NR6A1: variants seen among roughly 807,000 people sequenced by gnomAD.
NR6A1 encodes retinoic acid receptor-related testis-associated receptor.
Under a neutral mutation model 59.1 loss-of-function variants are expected in NR6A1, and 7 were observed. That is an observed-to-expected ratio of 0.12 (90% CI 0.07 to 0.22). NR6A1 has a LOEUF of 0.22. Among genes scored for constraint, NR6A1 ranks in the 10% least tolerant of loss-of-function variants. The probability of loss-of-function intolerance (pLI) is 1.00; values close to 1 mark genes in which losing one functional copy is unlikely to be tolerated. For missense variants in NR6A1, 468 were observed against 611.6 expected, an observed-to-expected ratio of 0.77 and a Z score of 2.48; for synonymous variants, 243 against 236.1, an observed-to-expected ratio of 1.03 and a Z score of -0.27.
At chr9:124,664,690 T>C (rs1837551813) in intron 2 of NR6A1, among the ~76,000 whole-genome samples, 1 of 152,210 alleles carries the variant, frequency 6.6e-6, no homozygotes, top group African/African-American at 2.4e-5. Context: ...CCTCAGCAGA[T>C]GGTACTGGGT....
At chr9:124,755,350 G>GTTGGC (rs1393244276) in intron 1 of NR6A1, among the ~76,000 whole-genome samples, 1 of 152,124 alleles carries the variant, frequency 6.6e-6, no homozygotes, top group East Asian at 1.9e-4. Context: ...CGTTCATTAT[G>GTTGGC]TTGGCTTCAT....
chr9:124,668,388 A>T (rs1407599851), intron 2 of NR6A1, among the ~76,000 whole-genome samples: 1 of 150,718 alleles, frequency 6.6e-6, no homozygotes, highest in Non-Finnish European at 1.5e-5. Context: ...TGTAACTTTT[A>T]TTGAAAAATA....
In NR6A1 at chr9:124,596,197, T is replaced by C. The variant is rs182805633; in HGVS notation, c.143-41627A>G. On this transcript the variant is annotated intron_variant, in intron 2 of 9. Coordinates refer to ENST00000487099, the MANE Select transcript of NR6A1 (RefSeq NM_033334.4). ...GCTTTTCTTCTTTTTTTTCAAGAAC[T>C]ATTCTATGCTATAGTCTTCCAGACT... Among the ~76,000 whole-genome samples, 10 of 152,276 alleles carry C rather than the reference T, an allele frequency of 6.6e-5. No homozygotes were observed. The East Asian group carries it at 1.7e-3, about 26-fold the overall frequency.
In NR6A1 at chr9:124,643,851, T is replaced by C. The variant is rs117032626; in HGVS notation, c.143-89281A>G. On this transcript the variant is annotated intron_variant, in intron 2 of 9. Transcript: ENST00000487099. ...ATTAAATATATTTTAAAAATCACTA[T>C]AAATTTGTACATAGTAAAAGATGCT... is the stretch of plus-strand genomic sequence containing the variant. Among the ~76,000 whole-genome samples, 759 of 152,256 alleles carry C rather than the reference T, an allele frequency of 5.0e-3. 4 individuals carry two copies. The highest frequency in any genetic ancestry group is 9.2e-3 in the Non-Finnish European group (628 of 68,008).
At position 124,629,062 on chromosome 9, in the gene NR6A1, G is replaced by A. The variant is rs76818625; in HGVS notation, c.143-74492C>T. Among the ~76,000 whole-genome samples, 590 of 152,338 alleles carry A rather than the reference G, an allele frequency of 3.9e-3. 3 individuals carry two copies. Among genetic ancestry groups the A allele is most frequent in the Non-Finnish European group, 6.7e-3 (457 of 68,026 alleles). On this transcript the variant is annotated intron_variant, in intron 2 of 9. Coordinates refer to ENST00000487099, the MANE Select transcript of NR6A1 (RefSeq NM_033334.4). ...CAGGCCAAAGAGGCCTCTGCCTCCT[G>A]CAATGCCTCCCTTTTACCATCTCAG...
intron 2 of NR6A1, among the ~76,000 whole-genome samples, chr9:124,627,549 C>T (rs1456444790): frequency 6.6e-6 from 1 of 152,140 alleles, no homozygotes; most frequent in Non-Finnish European, 1.5e-5. Flanking sequence ...TAAAGAACAT[C>T]TTAGCAAATG....
At chr9:124,693,698 C>T (rs764709593) in intron 2 of NR6A1, 2 of 534,078 alleles carry the variant, frequency 3.7e-6, no homozygotes, top group Non-Finnish European at 7.7e-6. Flanking sequence ...GCAACCCCAC[C>T]AACTGAAAAC....
intron 2 of NR6A1, among the ~76,000 whole-genome samples, chr9:124,607,740 A>C (rs1005489078): frequency 3.3e-5 from 5 of 152,164 alleles, no homozygotes; most frequent in African/African-American, 1.2e-4. Flanking sequence ...ACTTAGAATA[A>C]TGTTTTTCAT....
At chr9:124,676,801 GTTC>G (rs568314228) in intron 2 of NR6A1, among the ~76,000 whole-genome samples, 4 of 152,310 alleles carry the variant, frequency 2.6e-5, no homozygotes, top group African/African-American at 4.8e-5. Context: ...GTTTGGGACA[GTTC>G]TTCTCACAAT....
rs551127340 is a variant in NR6A1, at chr9:124,551,520, G to C, written c.385+2808C>G. On this transcript the variant is annotated intron_variant, in intron 3 of 9. Coordinates refer to ENST00000487099, the MANE Select transcript of NR6A1 (RefSeq NM_033334.4). ...GAAAAAATTCCTAACACATAACCTT[G>C]AGAGAAACAAATTTTACAAACTAGA... Among the ~76,000 whole-genome samples the C allele has an allele frequency of 6.0e-4, 91 of 152,236 alleles. 1 individual carries two copies. In the South Asian group the frequency reaches 0.018, roughly 31 times the overall value.
chr9:124,559,208 T>A (rs80194795), intron 2 of NR6A1, among the ~76,000 whole-genome samples: 2,031 of 152,250 alleles, frequency 0.013, 42 homozygotes, highest in African/African-American at 0.044. Flanking sequence ...AATTGCCCTG[T>A]ACAGATCTTT....
chr9:124,565,632 T>A (rs1300582846), intron 2 of NR6A1, among the ~76,000 whole-genome samples: 3 of 151,946 alleles, frequency 2.0e-5, no homozygotes, highest in African/African-American at 7.3e-5. Context: ...TATATAAGAA[T>A]AAGAAAAAGG....
chr9:124,542,717 A>G (rs984566339), intron 4 of NR6A1, among the ~76,000 whole-genome samples: 4 of 152,100 alleles, frequency 2.6e-5, no homozygotes, highest in African/African-American at 9.7e-5. Flanking sequence ...GTTTTTTAAA[A>G]TTTTATTTGA....
At chr9:124,687,967 T>C (rs1838395520) in intron 2 of NR6A1, among the ~76,000 whole-genome samples, 1 of 152,198 alleles carries the variant, frequency 6.6e-6, no homozygotes, top group African/African-American at 2.4e-5. Context: ...GTTTAATTTA[T>C]AAATTAGGCA....
At chr9:124,680,799 A>G (rs1487856702) in intron 2 of NR6A1, among the ~76,000 whole-genome samples, 1 of 152,224 alleles carries the variant, frequency 6.6e-6, no homozygotes, top group Non-Finnish European at 1.5e-5. Flanking sequence ...TGGGAGTCTG[A>G]AAAGTCAAAA....
intron 2 of NR6A1, among the ~76,000 whole-genome samples, chr9:124,655,176 A>G (rs1030006524): frequency 1.3e-5 from 2 of 152,160 alleles, no homozygotes; most frequent in African/African-American, 4.8e-5. Context: ...ATGAAAGAGT[A>G]TTTAATTTGG....
At chr9:124,732,440 A>G (rs1388806839) in intron 2 of NR6A1, among the ~76,000 whole-genome samples, 3 of 152,210 alleles carry the variant, frequency 2.0e-5, no homozygotes, top group Non-Finnish European at 4.4e-5. Context: ...TTTAGGAAGA[A>G]CTGGAAATGC....
chr9:124,668,280 G>A lies in NR6A1; in HGVS notation c.142+65028C>T, dbSNP rs189635487. 2.4e-4 allele frequency among the ~76,000 whole-genome samples: 37 copies of A among 152,248 alleles called. 1 individual carries two copies. In the East Asian group the frequency reaches 4.8e-3, roughly 20 times the overall value. On this transcript the variant is annotated intron_variant, in intron 2 of 9. Coordinates refer to ENST00000487099, the MANE Select transcript of NR6A1 (RefSeq NM_033334.4). ...TTCATCCTCACTGCCTTCACACTGA[G>A]TAGGCCAAAGAGGAGGAGGAAGAGA...
At chr9:124,707,515 G>GTT (rs199653224) in intron 2 of NR6A1, among the ~76,000 whole-genome samples, 2,666 of 141,004 alleles carry the variant, frequency 0.019, 72 homozygotes, top group African/African-American at 0.064. Flanking sequence ...AGTTTCTACT[G>GTT]TTTTTTTTTT....
Sources: gnomAD v4.1 joint callset for allele counts (sites outside exome capture counted in the v4.1 genomes callset) on GRCh38, gnomAD v4.1.1 for gene constraint, MANE v1.5 for transcripts, NCBI Gene and HGNC (gene_info 2026-07-23, HGNC 2026-07-21) for gene names.